ULK4: variants seen among roughly 807,000 people sequenced by gnomAD.
ULK4 encodes inactive serine/threonine-protein kinase ULK4.
ULK4 carries 133 observed loss-of-function variants against 160.6 expected under a neutral mutation model. The observed-to-expected ratio is 0.83, with a 90% CI of 0.72 to 0.96. ULK4 has a LOEUF of 0.96. Among genes scored for constraint, ULK4 ranks in the 40% least tolerant of loss-of-function variants. The probability of loss-of-function intolerance (pLI) is 0.00; values close to 1 mark genes in which losing one functional copy is unlikely to be tolerated. For missense variants in ULK4, 1,580 were observed against 1,499.5 expected (o/e 1.05, Z -0.89); for synonymous variants, 534 against 539.8 (o/e 0.99, Z 0.15).
intron 2 of ULK4, among the ~76,000 whole-genome samples, chr3:41,947,885 T>C (rs910864093): frequency 9.9e-5 from 15 of 152,140 alleles, no homozygotes; most frequent in African/African-American, 3.4e-4. Context: ...AATACGCTTT[T>C]GGTGTTGAAG....
intron 35 of ULK4, among the ~76,000 whole-genome samples, chr3:41,299,464 T>G (rs1314965124): frequency 1.3e-5 from 2 of 152,220 alleles, no homozygotes; most frequent in African/African-American, 2.4e-5. Flanking sequence ...AGGGCTAGGA[T>G]TCAACCAATA....
At chr3:41,830,608 C>A (rs1171513595) in intron 18 of ULK4, among the ~76,000 whole-genome samples, 7 of 151,714 alleles carry the variant, frequency 4.6e-5, no homozygotes, top group Admixed American at 2.6e-4. Context: ...AAGCAGGGGG[C>A]AGGGATGAAA....
chr3:41,323,815 C>T (rs2080291030), intron 35 of ULK4, among the ~76,000 whole-genome samples: 1 of 151,996 alleles, frequency 6.6e-6, no homozygotes, highest in Non-Finnish European at 1.5e-5. Context: ...AATTTAAAAG[C>T]ACCAAGGCAT....
intron 35 of ULK4, among the ~76,000 whole-genome samples, chr3:41,317,202 A>C (rs9816167): frequency 0.16 from 23,249 of 149,784 alleles, 2,129 homozygotes; most frequent in African/African-American, 0.25. Context: ...CAGCCTCCCG[A>C]GTAGCTGGGA....
chr3:41,590,574 T>G (rs917298367), intron 31 of ULK4, among the ~76,000 whole-genome samples: 26 of 151,108 alleles, frequency 1.7e-4, no homozygotes, highest in African/African-American at 6.3e-4. Flanking sequence ...AGGCAGAGGC[T>G]GCAGTGAGCC....
At chr3:41,833,644 A>G (rs185893765) in intron 18 of ULK4, among the ~76,000 whole-genome samples, 8 of 152,176 alleles carry the variant, frequency 5.3e-5, no homozygotes, top group African/African-American at 1.9e-4. Flanking sequence ...TTCATTCATG[A>G]TTTGGCTCTC....
chr3:41,950,719 C>T (rs558579163), intron 2 of ULK4, among the ~76,000 whole-genome samples: 3 of 151,340 alleles, frequency 2.0e-5, no homozygotes, highest in South Asian at 2.1e-4. Context: ...AATGTACAAT[C>T]GAAAAAGGAA....
intron 35 of ULK4, among the ~76,000 whole-genome samples, chr3:41,345,976 G>C (rs2080790553): frequency 6.6e-6 from 1 of 151,948 alleles, no homozygotes; most frequent in Non-Finnish European, 1.5e-5. Context: ...TCTAGGTAGA[G>C]GGAAGAGCCC....
At chr3:41,860,860 CTTT>C (rs996689025) in intron 17 of ULK4, among the ~76,000 whole-genome samples, 1 of 152,060 alleles carries the variant, frequency 6.6e-6, no homozygotes, top group East Asian at 1.9e-4. Context: ...TAGTTTCTTG[CTTT>C]TTATTTTTTG....
intron 18 of ULK4, among the ~76,000 whole-genome samples, chr3:41,827,843 C>T (rs1260316776): frequency 6.6e-6 from 1 of 151,840 alleles, no homozygotes; most frequent in Non-Finnish European, 1.5e-5. Flanking sequence ...AGAGACACAA[C>T]CAAAAAAGAG....
chr3:41,613,879 C>T (rs1425076588), intron 31 of ULK4, among the ~76,000 whole-genome samples: 1 of 152,202 alleles, frequency 6.6e-6, no homozygotes, highest in Non-Finnish European at 1.5e-5. Flanking sequence ...CCCTGACATG[C>T]CTGCAAGGCC....
At chr3:41,753,668 C>T (rs2038702263) in intron 22 of ULK4, among the ~76,000 whole-genome samples, 1 of 152,172 alleles carries the variant, frequency 6.6e-6, no homozygotes, top group African/African-American at 2.4e-5. Context: ...ATTCCAGAAT[C>T]TTACAATAAG....
chr3:41,331,421 A>T (rs1440820749), intron 35 of ULK4, among the ~76,000 whole-genome samples: 1 of 152,182 alleles, frequency 6.6e-6, no homozygotes, highest in Non-Finnish European at 1.5e-5. Context: ...ACAGAATAAA[A>T]CCTGACTGTT....
At chr3:41,446,645 C>T (rs2083302930) in intron 34 of ULK4, among the ~76,000 whole-genome samples, 1 of 144,638 alleles carries the variant, frequency 6.9e-6, no homozygotes, top group Admixed American at 7.5e-5. Context: ...ACAAACACCG[C>T]AAGTTCTCAC....
intron 32 of ULK4, among the ~76,000 whole-genome samples, chr3:41,491,817 G>C (rs1427422014): frequency 1.3e-5 from 2 of 151,742 alleles, no homozygotes; most frequent in Middle Eastern, 3.4e-3. Flanking sequence ...TGCCATGTTG[G>C]TGTGCTGCAC....
intron 35 of ULK4, among the ~76,000 whole-genome samples, chr3:41,269,855 A>G (rs1032445049): frequency 6.6e-6 from 1 of 152,198 alleles, no homozygotes; most frequent in Admixed American, 6.5e-5. Context: ...ATGCTGGGGA[A>G]AATCCTTAAC....
rs559215167 is a variant in ULK4, at chr3:41,737,588, G to A, written c.2321+16773C>T. On this transcript the variant is annotated intron_variant, in intron 22 of 36. Transcript: ENST00000301831. ...CCTAAGCCAAAAGAACAAAGCTGGA[G>A]GCATCACGCTATCTAAGTCCATTTT... Among the ~76,000 whole-genome samples, 4 of 151,934 alleles carry A rather than the reference G, an allele frequency of 2.6e-5. No homozygotes were observed. In the South Asian group the frequency reaches 8.3e-4, roughly 32 times the overall value.
chr3:41,690,425 A>G (rs1224268978), intron 27 of ULK4, among the ~76,000 whole-genome samples: 5 of 151,384 alleles, frequency 3.3e-5, no homozygotes, highest in Non-Finnish European at 2.9e-5. Context: ...CATGTACCCT[A>G]AAGTATAATA....
At chr3:41,532,608 C>T (rs969253978) in intron 32 of ULK4, among the ~76,000 whole-genome samples, 1 of 152,148 alleles carries the variant, frequency 6.6e-6, no homozygotes, top group African/African-American at 2.4e-5. Flanking sequence ...TGAACTAGAT[C>T]TGGGGTGGCA....
Sources: allele counts gnomAD v4.1 joint callset (sites outside exome capture counted in the v4.1 genomes callset), GRCh38; gene constraint gnomAD v4.1.1; transcripts MANE v1.5; gene names NCBI Gene and HGNC (gene_info 2026-07-23, HGNC 2026-07-21).